Variants in TSC22D2 observed in about 807,000 individuals in gnomAD.
TSC22D2 encodes the protein TSC22 domain family member 2, also known as TSC22 domain family protein 2.
In TSC22D2, 5 loss-of-function variants were observed where a neutral mutation model predicts 50.1. The observed-to-expected ratio is 0.10, with a 90% CI of 0.05 to 0.21. TSC22D2 has a LOEUF of 0.21. Among genes scored for constraint, TSC22D2 ranks in the 10% least tolerant of loss-of-function variants. The probability of loss-of-function intolerance (pLI) is 1.00; values close to 1 mark genes in which losing one functional copy is unlikely to be tolerated. For synonymous variants in TSC22D2, 501 were observed against 450.1 expected (o/e 1.11, Z -1.43); for missense variants, 1,003 against 1,015.5 (o/e 0.99, Z 0.17).
chr3:150,465,425 G>C lies in TSC22D2; in HGVS notation c.*6789G>C, dbSNP rs1046965109. The C allele has an allele frequency of 6.6e-6, 1 of 152,176 alleles. No individual in the cohort carries two copies. Among genetic ancestry groups the C allele is most frequent in the Non-Finnish European group, 1.5e-5 (1 of 68,030 alleles). The allele number at this position is 152,176 out of a possible 1,614,324, so 9.4% of individuals were successfully genotyped here. A position where few individuals can be genotyped will look rare whatever the true frequency, so the allele number is the denominator to read the frequency against. ...ATACAAATCAAAAGCTGGAAAGGGTGTGGAAAAACAGGAATACATTGCTAG... is the reference window on the plus strand; with the variant it reads ...ATACAAATCAAAAGCTGGAAAGGGTCTGGAAAAACAGGAATACATTGCTAG... On this transcript the variant is annotated 3_prime_UTR_variant, in exon 3 of 3. Transcript: ENST00000688009.
At chr3:150,426,858 A>T (rs189641491) in intron 1 of TSC22D2, among the ~76,000 whole-genome samples, 5 of 152,270 alleles carry the variant, frequency 3.3e-5, no homozygotes, top group Admixed American at 3.3e-4. Flanking sequence ...TTCTACAGTG[A>T]TTATTCACTT....
At chr3:150,411,347 T>A in intron 1 of TSC22D2, 39 bp downstream of exon 1, 1 of 1,547,226 alleles carries the variant, frequency 6.5e-7, no homozygotes, top group Non-Finnish European at 8.7e-7. Context: ...ATAGAAATGC[T>A]TGGCCAACAT....
rs1324832278 is a variant in TSC22D2 at position 150,410,316 on chromosome 3, G to C, written c.966G>C (p.Gln322His). ...SQPQGAGPGGQTLPPTNVTLA... is the reference protein window; with the variant it reads ...SQPQGAGPGGHTLPPTNVTLA... ...CCCAGGGAGCGGGGCCCGGGGGACA[G>C]ACTCTGCCGCCGACGAATGTAACCC... is the stretch of plus-strand genomic sequence containing the variant. The change falls in exon 1 of 3, where the codon CAG becomes CAC. Residue 322 changes from glutamine to histidine, a missense_variant. Physicochemically the swap from Gln to His is conservative, Grantham distance 24. Transcript: ENST00000688009. The C allele has an allele frequency of 6.3e-7, 1 of 1,575,676 alleles. No individual in the cohort carries two copies. The highest frequency in any genetic ancestry group is 8.6e-7 in the Non-Finnish European group (1 of 1,159,898).
rs2108051052 is a variant in TSC22D2, at chr3:150,409,023, C to CG, written c.-326dup. On this transcript the variant is annotated 5_prime_UTR_variant, in exon 1 of 3. Coordinates refer to ENST00000688009, the MANE Select transcript of TSC22D2 (RefSeq NM_001303264.2). This position sits in a 1 kb window ranked among gnomAD's most constrained non-coding sequence, Gnocchi z 7.4. ...GCCCGGAGACGAGAGAGGAAGCAGC[C>CG]GGCCCGCCCCTGGGTTCGCGCTCTC... The CG allele has an allele frequency of 1.3e-5, 3 of 225,526 alleles. No individual in the cohort carries two copies. The highest frequency in any genetic ancestry group is 2.7e-5 in the Non-Finnish European group (3 of 112,510). The allele number at this position is 225,526 out of a possible 1,614,324, so 14.0% of individuals were successfully genotyped here.
intron 1 of TSC22D2, among the ~76,000 whole-genome samples, chr3:150,439,283 T>G (rs1720643606): frequency 1.3e-5 from 2 of 152,186 alleles, no homozygotes; most frequent in South Asian, 4.1e-4. Context: ...TATTCCAACT[T>G]TATCCTTAAC....
chr3:150,437,287 G>T (rs111305787), intron 1 of TSC22D2, among the ~76,000 whole-genome samples: 6 of 151,994 alleles, frequency 3.9e-5, no homozygotes, highest in African/African-American at 1.5e-4. Flanking sequence ...TTTCTTCCGT[G>T]CCCATATACA....
intron 1 of TSC22D2, among the ~76,000 whole-genome samples, chr3:150,413,110 A>G (rs1299967205): frequency 6.6e-6 from 1 of 152,202 alleles, no homozygotes; most frequent in Non-Finnish European, 1.5e-5. Flanking sequence ...GTACGATGAT[A>G]AGGCATGAAG....
intron 1 of TSC22D2, among the ~76,000 whole-genome samples, chr3:150,429,292 G>A (rs572315577): frequency 1.3e-5 from 2 of 152,218 alleles, no homozygotes; most frequent in African/African-American, 4.8e-5. Context: ...CTAGGCACCA[G>A]TTATCACCAT....
At position 150,409,652 on chromosome 3, in the gene TSC22D2, C is replaced by T. The variant is rs760668984; in HGVS notation, c.302C>T (p.Pro101Leu). Residue 101 changes from proline to leucine, a missense_variant, in exon 1 of 3, where the codon CCC becomes CTC. By Grantham distance (98) the Pro-to-Leu change is moderately conservative. Coordinates refer to ENST00000688009, the MANE Select transcript of TSC22D2 (RefSeq NM_001303264.2). The surrounding 1 kb of genome is among the most constrained non-coding windows in gnomAD (Gnocchi z 7.4). ...DGQLAAAAAA[P>L]ANGGGVVSAR... Reference sequence around the variant, plus strand: ...CAGCTGGCAGCGGCGGCTGCTGCTCCCGCCAACGGAGGAGGAGTCGTTTCG... The same window carrying T: ...CAGCTGGCAGCGGCGGCTGCTGCTCTCGCCAACGGAGGAGGAGTCGTTTCG... The T allele has an allele frequency of 6.2e-7, 1 of 1,605,562 alleles. No homozygotes were observed. The highest frequency in any genetic ancestry group is 1.7e-5 in the Admixed American group (1 of 59,260).
Position 150,464,108 on chromosome 3 carries a change from A to T in TSC22D2, c.*5472A>T, listed in dbSNP as rs1371028576. On this transcript the variant is annotated 3_prime_UTR_variant, in exon 3 of 3. Coordinates refer to ENST00000688009, the MANE Select transcript of TSC22D2 (RefSeq NM_001303264.2). ...GCAAATGCCACAGTTCAACTTCTCCATAAAAAAGTTAAGTTCATCTCTCCA... is the reference window on the plus strand; with the variant it reads ...GCAAATGCCACAGTTCAACTTCTCCTTAAAAAAGTTAAGTTCATCTCTCCA... 1 of 152,222 alleles carries T rather than the reference A, an allele frequency of 6.6e-6. No homozygotes were observed. The highest frequency in any genetic ancestry group is 6.5e-5 in the Admixed American group (1 of 15,276). The allele number at this position is 152,222 out of a possible 1,614,324, so 9.4% of individuals were successfully genotyped here. A position where few individuals can be genotyped will look rare whatever the true frequency, so the allele number is the denominator to read the frequency against.
rs951534168 is a variant in TSC22D2 at position 150,462,160 on chromosome 3, A to G, written c.*3524A>G. 4.6e-5 allele frequency: 7 copies of G among 152,210 alleles called. No homozygotes were observed. Among genetic ancestry groups the G allele is most frequent in the African/African-American group, 1.4e-4 (6 of 41,450 alleles). The allele number at this position is 152,210 out of a possible 1,614,324, so 9.4% of individuals were successfully genotyped here. ...TGTCAGGGTAGGTTTCCTCAAAAACATGACACCTGAGTCTTGAAGGTCATA... is the reference window on the plus strand; with the variant it reads ...TGTCAGGGTAGGTTTCCTCAAAAACGTGACACCTGAGTCTTGAAGGTCATA... On this transcript the variant is annotated 3_prime_UTR_variant, in exon 3 of 3. Transcript: ENST00000688009.
intron 1 of TSC22D2, among the ~76,000 whole-genome samples, chr3:150,433,326 C>G (rs1487548318): frequency 3.9e-5 from 6 of 152,126 alleles, no homozygotes; most frequent in Non-Finnish European, 8.8e-5. Flanking sequence ...TGTCAGTGTC[C>G]CCAGCTGTTT....
chr3:150,418,234 A>G (rs933061384), intron 1 of TSC22D2, among the ~76,000 whole-genome samples: 1 of 151,848 alleles, frequency 6.6e-6, no homozygotes, highest in African/African-American at 2.4e-5. Context: ...ATATGAGACT[A>G]TGCTGCCCTC....
intron 1 of TSC22D2, among the ~76,000 whole-genome samples, chr3:150,446,879 C>G (rs1390973803): frequency 6.6e-6 from 1 of 152,122 alleles, no homozygotes; most frequent in Non-Finnish European, 1.5e-5. Flanking sequence ...GTCACGAAAT[C>G]CCAGTGACTA....
chr3:150,438,221 G>A (rs1380424856), intron 1 of TSC22D2: 5 of 423,830 alleles, frequency 1.2e-5, no homozygotes, highest in African/African-American at 4.0e-5. Flanking sequence ...ATTCAGCATC[G>A]GAGGAGGAAT....
intron 1 of TSC22D2, among the ~76,000 whole-genome samples, chr3:150,433,847 G>A (rs1015730368): frequency 6.6e-6 from 1 of 152,108 alleles, no homozygotes; most frequent in Non-Finnish European, 1.5e-5. Flanking sequence ...GGCCAAGGTG[G>A]ACAGATTGCT....
chr3:150,431,221 T>G (rs1720368237), intron 1 of TSC22D2, among the ~76,000 whole-genome samples: 1 of 55,916 alleles, frequency 1.8e-5, no homozygotes, highest in Non-Finnish European at 3.4e-5. Context: ...TGAGGCTCTG[T>G]CTCAAAAAAA....
rs935162981 is a variant in TSC22D2, at chr3:150,409,292, G to T, written c.-59G>T. The T allele has an allele frequency of 1.3e-5, 20 of 1,519,850 alleles. No homozygotes were observed. Among genetic ancestry groups the T allele is most frequent in the Middle Eastern group, 2.0e-4 (1 of 5,114 alleles). The allele number at this position is 1,519,850 out of a possible 1,614,324, so 94.1% of individuals were successfully genotyped here. ...TGGGGGCCCGTGCTCTGCCCTCCCCGGTTTCCGACAGGACCCAGAGGAGCC... is the reference window on the plus strand; with the variant it reads ...TGGGGGCCCGTGCTCTGCCCTCCCCTGTTTCCGACAGGACCCAGAGGAGCC... On this transcript the variant is annotated 5_prime_UTR_variant, in exon 1 of 3. Coordinates refer to ENST00000688009, the MANE Select transcript of TSC22D2 (RefSeq NM_001303264.2). This position sits in a 1 kb window ranked among gnomAD's most constrained non-coding sequence, Gnocchi z 7.4.
Position 150,411,140 on chromosome 3 carries a change from A to G in TSC22D2, c.1790A>G (p.Lys597Arg), listed in dbSNP as rs1244624478. 11 of 1,614,020 alleles carry G rather than the reference A, an allele frequency of 6.8e-6. No individual in the cohort carries two copies. The highest frequency in any genetic ancestry group is 2.2e-5 in the East Asian group (1 of 44,900). ...LVGQVDDTRR[K>R]SEPLPQPPLS... ...GGGCAAGTCGACGATACTAGAAGAA[A>G]ATCAGAACCCCTACCTCAACCACCA... Residue 597 changes from lysine to arginine, a missense_variant, in exon 1 of 3, where the codon AAA becomes AGA. Lys to Arg is a conservative substitution (Grantham distance 26, BLOSUM62 2). This residue lies in a region of TSC22D2 where 696 missense variants were observed against 647.8 expected (regional missense o/e 1.07). Transcript: ENST00000688009.
Sources: gnomAD v4.1 joint callset for allele counts (sites outside exome capture counted in the v4.1 genomes callset) on GRCh38, gnomAD v4.1.1 for gene constraint, gnomAD v4.1.1 regional missense constraint, Gnocchi (gnomAD v3.1) non-coding constraint, MANE v1.5 for transcripts, NCBI Gene and HGNC (gene_info 2026-07-23, HGNC 2026-07-21) for gene names.